The following ZNF157 variants were observed in gnomAD, a reference collection of about 807,000 sequenced individuals.
ZNF157 encodes zinc finger protein 157, also known as zinc finger protein 22.
ZNF157 carries 8 observed loss-of-function variants against 9.4 expected under a neutral mutation model. That is an observed-to-expected ratio of 0.85 (90% CI 0.50 to 1.53). The LOEUF (loss-of-function observed/expected upper bound fraction) is 1.53. ZNF157 is among the 40% of genes most tolerant of loss of function. The pLI is 0.00. For missense variants in ZNF157, 316 were observed against 385.2 expected (o/e 0.82, Z 1.50); for synonymous variants, 120 against 130.8 (o/e 0.92, Z 0.56).
intron 3 of ZNF157, among the ~76,000 whole-genome samples, chrX:47,411,625 C>T (rs897284380): frequency 1.8e-5 from 2 of 110,665 alleles, no homozygotes; most frequent in Non-Finnish European, 3.8e-5. Context: ...GCCATGGCCT[C>T]CCGAAGTGCT....
intron 1 of ZNF157, among the ~76,000 whole-genome samples, chrX:47,383,692 A>G (rs2055871430): frequency 9.5e-6 from 1 of 105,165 alleles, no homozygotes; most frequent in South Asian, 4.3e-4. Flanking sequence ...CAGAAAAAAA[A>G]AAAAAAAAAA....
Position 47,370,581 on chromosome X carries a change from T to G in ZNF157, c.-88T>G. ...TTTCTTGGTGTCTCTGTGGAGCCATTGAGCCTTACCCCTTACTGGAGGCTG... is the reference window on the plus strand; with the variant it reads ...TTTCTTGGTGTCTCTGTGGAGCCATGGAGCCTTACCCCTTACTGGAGGCTG... On this transcript the variant is annotated 5_prime_UTR_variant, in exon 1 of 4. In the 5' UTR this introduces an upstream ATG that the reference lacks. Coordinates refer to ENST00000377073, the MANE Select transcript of ZNF157 (RefSeq NM_003446.4). 1 of 779,339 alleles carries G rather than the reference T, an allele frequency of 1.3e-6. No individual in the cohort carries two copies. The highest frequency in any genetic ancestry group is 1.8e-6 in the Non-Finnish European group (1 of 551,853). 64.2% of individuals were successfully genotyped at this position (779,339 alleles called of 1,213,427 possible). A position where few individuals can be genotyped will look rare whatever the true frequency, so the allele number is the denominator to read the frequency against.
intron 1 of ZNF157, among the ~76,000 whole-genome samples, chrX:47,380,244 C>A (rs778557219): frequency 3.6e-5 from 4 of 110,352 alleles, no homozygotes; most frequent in Non-Finnish European, 7.6e-5. Flanking sequence ...AGTGAGAGAC[C>A]AGGGCAAGTT....
Position 47,393,738 on chromosome X carries a change from CCG to C in ZNF157, c.73-16536_73-16535del, listed in dbSNP as rs1339966119. Reference sequence around the variant, plus strand: ...GAGCTACCATCCCCGCCACCCTCCCCCGCCCTTTTTTTTTTTTTTAGACAAAG... The same window carrying C: ...GAGCTACCATCCCCGCCACCCTCCCCCCCTTTTTTTTTTTTTTAGACAAAG... On this transcript the variant is annotated intron_variant, in intron 1 of 3. Transcript: ENST00000377073. Among the ~76,000 whole-genome samples, 323 of 58,944 alleles carry C rather than the reference CCG, an allele frequency of 5.5e-3. 13 individuals are homozygous for C. The highest frequency in any genetic ancestry group is 0.028 in the African/African-American group (315 of 11,332). The allele number at this position is 58,944 out of a possible 115,157, so 51.2% of individuals were successfully genotyped here.
At chrX:47,411,538 A>T (rs932642391) in intron 3 of ZNF157, among the ~76,000 whole-genome samples, 81 of 102,022 alleles carry the variant, frequency 7.9e-4, no homozygotes, top group Middle Eastern at 0.01. Context: ...TATTATTATT[A>T]TTTTTTTTTT....
At position 47,414,418 on chromosome X, in the gene ZNF157, T is replaced by A. The variant is rs1361493270; in HGVS notation, c.*824T>A. On this transcript the variant is annotated 3_prime_UTR_variant, in exon 4 of 4. Transcript: ENST00000377073. ...TTAGAATTTTAATCTCCTGTGAGAT[T>A]TTTTTGTTATAGCATGAAGTGTGCA... 1.8e-5 allele frequency: 2 copies of A among 112,167 alleles called. No homozygotes were observed. Among genetic ancestry groups the A allele is most frequent in the Non-Finnish European group, 3.8e-5 (2 of 53,319 alleles). 9.2% of individuals were successfully genotyped at this position (112,167 alleles called of 1,213,427 possible). A position where few individuals can be genotyped will look rare whatever the true frequency, so the allele number is the denominator to read the frequency against.
At chrX:47,402,826 G>A (rs1262578937) in intron 1 of ZNF157, among the ~76,000 whole-genome samples, 2 of 109,617 alleles carry the variant, frequency 1.8e-5, no homozygotes, top group Non-Finnish European at 3.8e-5. Flanking sequence ...ACAGGCGTGA[G>A]CCACCGTGCC....
At chrX:47,392,195 C>G (rs2055899732) in intron 1 of ZNF157, 1 of 129,330 alleles carries the variant, frequency 7.7e-6, no homozygotes, top group South Asian at 2.8e-4. Flanking sequence ...GGCCCTGAAC[C>G]TGCATTGCTG....
chrX:47,407,893 C>G (rs2055951980), intron 1 of ZNF157, among the ~76,000 whole-genome samples: 1 of 110,549 alleles, frequency 9.0e-6, no homozygotes, highest in African/African-American at 3.3e-5. Flanking sequence ...TCCAACACCC[C>G]ACACTTTCCT....
chrX:47,395,342 G>A (rs2055910192), intron 1 of ZNF157, among the ~76,000 whole-genome samples: 1 of 111,718 alleles, frequency 9.0e-6, no homozygotes, highest in South Asian at 3.7e-4. Flanking sequence ...ATGTCACCAT[G>A]CCTGGCTTAA....
intron 1 of ZNF157, among the ~76,000 whole-genome samples, chrX:47,393,127 C>T (rs2055902167): frequency 1.0e-5 from 1 of 99,460 alleles, no homozygotes; most frequent in Non-Finnish European, 2.0e-5. Context: ...TGCACTGCAG[C>T]CTGGGGGATA....
At chrX:47,390,136 C>A (rs1423202764) in intron 1 of ZNF157, 5 of 111,025 alleles carry the variant, frequency 4.5e-5, no homozygotes, top group Non-Finnish European at 1.9e-5. Flanking sequence ...TGATTTTATT[C>A]TCAAAGAAGC....
At chrX:47,403,151 C>T (rs1313409711) in intron 1 of ZNF157, among the ~76,000 whole-genome samples, 1 of 108,605 alleles carries the variant, frequency 9.2e-6, no homozygotes, top group Non-Finnish European at 1.9e-5. Flanking sequence ...GTGGCAGACA[C>T]CTGTAATCCC....
intron 1 of ZNF157, among the ~76,000 whole-genome samples, chrX:47,380,110 G>C (rs2055856726): frequency 9.0e-6 from 1 of 110,585 alleles, no homozygotes; most frequent in African/African-American, 3.3e-5. Flanking sequence ...TCCTGATCAA[G>C]GTGGGGACAA....
intron 1 of ZNF157, among the ~76,000 whole-genome samples, chrX:47,383,371 CAAAAAA>C (rs35133137): frequency 4.6e-3 from 86 of 18,810 alleles, no homozygotes; most frequent in African/African-American, 6.9e-3. Flanking sequence ...GACTCAGTCT[CAAAAAA>C]AAAAAAAAAA....
chrX:47,372,281 C>T (rs193018233), intron 1 of ZNF157, among the ~76,000 whole-genome samples: 3 of 108,901 alleles, frequency 2.8e-5, no homozygotes, highest in East Asian at 5.8e-4. Flanking sequence ...AGAGTCAAGT[C>T]GATCCACAAG....
At chrX:47,380,265 A>G (rs1490930502) in intron 1 of ZNF157, among the ~76,000 whole-genome samples, 1 of 110,864 alleles carries the variant, frequency 9.0e-6, no homozygotes, top group Non-Finnish European at 1.9e-5. Context: ...TTAGAGCAGT[A>G]GTGAAAGTTT....
intron 1 of ZNF157, among the ~76,000 whole-genome samples, chrX:47,405,022 A>G (rs909551636): frequency 9.1e-6 from 1 of 110,343 alleles, no homozygotes; most frequent in Non-Finnish European, 1.9e-5. Flanking sequence ...TGGCAGCAGG[A>G]GAGAGAGAGC....
intron 1 of ZNF157, among the ~76,000 whole-genome samples, chrX:47,373,183 A>G (rs1340514573): frequency 9.7e-6 from 1 of 102,571 alleles, no homozygotes; most frequent in Admixed American, 1.1e-4. Flanking sequence ...TGGGCAAAAG[A>G]GCGAGACTCT....
Sources: allele counts gnomAD v4.1 joint callset (sites outside exome capture counted in the v4.1 genomes callset), GRCh38; gene constraint gnomAD v4.1.1; transcripts MANE v1.5; gene names NCBI Gene and HGNC (gene_info 2026-07-23, HGNC 2026-07-21).